Variants in TTC28 observed in about 807,000 individuals in gnomAD.
TTC28 encodes the protein tetratricopeptide repeat domain 28.
In TTC28, 61 loss-of-function variants were observed where a neutral mutation model predicts 198.0. The ratio of observed to expected loss-of-function variants is 0.31; its 90% CI spans 0.25 to 0.38. TTC28 has a LOEUF of 0.38. TTC28 is among the 10% of genes least tolerant of loss of function. The probability of loss-of-function intolerance (pLI) is 1.00; values close to 1 mark genes in which losing one functional copy is unlikely to be tolerated. For missense variants in TTC28, 2,678 were observed against 3,164.0 expected (o/e 0.85, Z 3.69); for synonymous variants, 1,171 against 1,297.8 (o/e 0.90, Z 2.10).
chr22:28,209,389 A>G (rs1601479207), intron 5 of TTC28, among the ~76,000 whole-genome samples: 2 of 152,184 alleles, frequency 1.3e-5, no homozygotes, highest in East Asian at 3.9e-4. Flanking sequence ...TTTCCTAGCC[A>G]AGGGAAGCCG....
intron 5 of TTC28, among the ~76,000 whole-genome samples, chr22:28,246,111 A>C (rs1400788107): frequency 6.6e-6 from 1 of 152,198 alleles, no homozygotes; most frequent in African/African-American, 2.4e-5. Flanking sequence ...AGAGCCCAAC[A>C]TCGTCCCTTA....
rs1248930490 is a variant in TTC28, at chr22:28,108,301, C to T, written c.1544G>A (p.Arg515His). 16 of 1,536,368 alleles carry T rather than the reference C, an allele frequency of 1.0e-5. No homozygotes were observed. The highest frequency in any genetic ancestry group is 2.4e-5 in the South Asian group (2 of 83,048). The change falls in exon 7 of 23, where the codon CGT (arginine) becomes CAT (histidine). Residue 515 changes from arginine (R) to histidine (H), a missense_variant. Transcript: ENST00000397906. ...GGCATTGCCCATATTCCCATAGGCA[C>T]GGCCCTGGGCAGCATAATCACTCAG... is the stretch of plus-strand genomic sequence containing the variant. Reference protein sequence around the residue: ...QELSDYAAQGRAYGNMGNAYN... With the variant: ...QELSDYAAQGHAYGNMGNAYN...
intron 2 of TTC28, among the ~76,000 whole-genome samples, chr22:28,456,518 C>T (rs2047861667): frequency 6.6e-6 from 1 of 152,148 alleles, no homozygotes; most frequent in Non-Finnish European, 1.5e-5. Flanking sequence ...CAGCTTTCCC[C>T]AATTCCTCCC....
intron 15 of TTC28, chr22:28,000,899 C>G (rs933838246): frequency 6.3e-6 from 1 of 157,546 alleles, no homozygotes; most frequent in African/African-American, 2.4e-5. Flanking sequence ...TTTTCAGTTC[C>G]ACTGGCCTGT....
At chr22:28,384,262 T>A (rs1389999957) in intron 2 of TTC28, among the ~76,000 whole-genome samples, 1 of 152,198 alleles carries the variant, frequency 6.6e-6, no homozygotes, top group East Asian at 1.9e-4. Flanking sequence ...GTTGGTTTTT[T>A]GTTTTGGTAG....
In TTC28 at chr22:27,982,133, G is replaced by A. The variant is rs993161945; in HGVS notation, c.*88C>T. The A allele has an allele frequency of 1.5e-6, 2 of 1,325,730 alleles. No homozygotes were observed. Among genetic ancestry groups the A allele is most frequent in the African/African-American group, 1.5e-5 (1 of 67,078 alleles). The allele number at this position is 1,325,730 out of a possible 1,614,324, so 82.1% of individuals were successfully genotyped here. On this transcript the variant is annotated 3_prime_UTR_variant, in exon 23 of 23. Transcript: ENST00000397906. This position sits in a 1 kb window ranked among gnomAD's most constrained non-coding sequence, Gnocchi z 5.2. ...CAGCATCATGAGGGTGCTGGTGGCTGTGGGGGGACTGCACTCAGGGAAGGG... is the reference window on the plus strand; with the variant it reads ...CAGCATCATGAGGGTGCTGGTGGCTATGGGGGGACTGCACTCAGGGAAGGG...
At chr22:28,017,243 G>T (rs749247359) in intron 13 of TTC28, among the ~76,000 whole-genome samples, 7 of 152,218 alleles carry the variant, frequency 4.6e-5, no homozygotes, top group Non-Finnish European at 7.3e-5. Context: ...AACGGCGGTG[G>T]CATCTTTTTA....
At chr22:28,568,998 T>C (rs2050021379) in intron 2 of TTC28, among the ~76,000 whole-genome samples, 1 of 151,596 alleles carries the variant, frequency 6.6e-6, no homozygotes, top group Non-Finnish European at 1.5e-5. Flanking sequence ...AATACAAAAA[T>C]TAGACAGGCA....
intron 1 of TTC28, among the ~76,000 whole-genome samples, chr22:28,650,358 C>T (rs2051545493): frequency 6.6e-6 from 1 of 152,106 alleles, no homozygotes; most frequent in Non-Finnish European, 1.5e-5. Flanking sequence ...GAAAATAGCT[C>T]AAAGACAATG....
chr22:28,533,574 G>A (rs2049194891), intron 2 of TTC28, among the ~76,000 whole-genome samples: 1 of 152,168 alleles, frequency 6.6e-6, no homozygotes, highest in East Asian at 1.9e-4. Context: ...AAGCTCATAT[G>A]GAACCAAAAC....
chr22:28,063,600 A>G (rs1940634864), intron 12 of TTC28, among the ~76,000 whole-genome samples: 1 of 152,128 alleles, frequency 6.6e-6, no homozygotes. Flanking sequence ...AGCTTATTTC[A>G]TTATACTGAA....
intron 12 of TTC28, among the ~76,000 whole-genome samples, chr22:28,062,408 CTCT>C (rs1284537452): frequency 1.2e-4 from 14 of 118,206 alleles, no homozygotes; most frequent in Middle Eastern, 4.1e-3. Flanking sequence ...TTGTTTTTAA[CTCT>C]TCTTTTTTTT....
At chr22:28,365,238 T>C (rs925173511) in intron 2 of TTC28, among the ~76,000 whole-genome samples, 1 of 152,226 alleles carries the variant, frequency 6.6e-6, no homozygotes, top group Non-Finnish European at 1.5e-5. Flanking sequence ...TATACATTGT[T>C]TTTTAGACAT....
At chr22:28,169,259 G>C (rs2147076630) in intron 5 of TTC28, among the ~76,000 whole-genome samples, 1 of 152,278 alleles carries the variant, frequency 6.6e-6, no homozygotes, top group East Asian at 1.9e-4. Context: ...GTGGAAGTCG[G>C]TGTGGTGATT....
At chr22:28,468,878 C>T (rs1271046008) in intron 2 of TTC28, among the ~76,000 whole-genome samples, 3 of 151,928 alleles carry the variant, frequency 2.0e-5, no homozygotes, top group African/African-American at 7.3e-5. Context: ...GACTGGCTCT[C>T]ATTTGGTTTT....
chr22:28,209,587 G>A (rs766857163), intron 5 of TTC28, among the ~76,000 whole-genome samples: 2 of 152,192 alleles, frequency 1.3e-5, no homozygotes, highest in Non-Finnish European at 2.9e-5. Flanking sequence ...CGAGGCTGGG[G>A]GAGGGGCGTC....
rs2050673460 is a variant in TTC28 at position 28,603,382 on chromosome 22, T to G, written c.381+26170A>C. On this transcript the variant is annotated intron_variant, in intron 2 of 22. Coordinates refer to ENST00000397906, the MANE Select transcript of TTC28 (RefSeq NM_001145418.2). Reference sequence around the variant, plus strand: ...TACAGGTCAATTTTCTTTCTTTTTTTTTTTGTTTTTTGTTTTGTTTTTTGA... The same window carrying G: ...TACAGGTCAATTTTCTTTCTTTTTTGTTTTGTTTTTTGTTTTGTTTTTTGA... 2.0e-5 allele frequency among the ~76,000 whole-genome samples: 3 copies of G among 151,968 alleles called. No individual in the cohort carries two copies. In the South Asian group the frequency reaches 6.2e-4, roughly 32 times the overall value.
At chr22:28,262,504 T>A (rs1432445417) in intron 5 of TTC28, among the ~76,000 whole-genome samples, 2 of 152,186 alleles carry the variant, frequency 1.3e-5, no homozygotes, top group Non-Finnish European at 2.9e-5. Context: ...TACATCAAAG[T>A]ATCTCAAGTA....
chr22:27,990,297 A>T (rs1435633021), intron 20 of TTC28, among the ~76,000 whole-genome samples: 1 of 152,128 alleles, frequency 6.6e-6, no homozygotes, highest in African/African-American at 2.4e-5. Context: ...GCCTCACAGG[A>T]GAGGCCATGG....
Sources: gnomAD v4.1 joint callset for allele counts (sites outside exome capture counted in the v4.1 genomes callset) on GRCh38, gnomAD v4.1.1 for gene constraint, Gnocchi (gnomAD v3.1) non-coding constraint, MANE v1.5 for transcripts, NCBI Gene and HGNC (gene_info 2026-07-23, HGNC 2026-07-21) for gene names.